The following AFF2 variants were observed in gnomAD, a reference collection of about 807,000 sequenced individuals.
AFF2 encodes AF4/FMR2 family member 2.
Under a neutral mutation model 76.9 loss-of-function variants are expected in AFF2, and 14 were observed. The ratio of observed to expected loss-of-function variants is 0.18; its 90% CI spans 0.12 to 0.28. The LOEUF is 0.28. Ranked by LOEUF, AFF2 falls within the 10% of genes least tolerant of loss-of-function variation. The pLI, the probability that AFF2 is intolerant of heterozygous loss-of-function variation, is 1.00. For missense variants in AFF2, 868 were observed against 1,001.1 expected (o/e 0.87, Z 1.79); for synonymous variants, 398 against 366.7 (o/e 1.09, Z -0.98).
rs781957766 is a variant in AFF2 at position 148,608,669 on chromosome X, G to A, written c.48-43330G>A. 4.6e-5 allele frequency among the ~76,000 whole-genome samples: 5 copies of A among 108,535 alleles called. No individual in the cohort carries two copies. The South Asian group carries it at 1.7e-3, about 36-fold the overall frequency. The allele number at this position is 108,535 out of a possible 115,157, so 94.2% of individuals were successfully genotyped here. ...CTACAGGCATGCACTACTCATGCCC[G>A]CATGCCAGCTAGTTAAAAAAAAAAA... On this transcript the variant is annotated intron_variant, in intron 1 of 20. Coordinates refer to ENST00000370460, the MANE Select transcript of AFF2 (RefSeq NM_002025.4).
chrX:148,897,283 A>C (rs782405071), intron 8 of AFF2, among the ~76,000 whole-genome samples: 2 of 60,629 alleles, frequency 3.3e-5, no homozygotes, highest in African/African-American at 6.1e-5. Flanking sequence ...GTATATGAAA[A>C]ATATATATAT....
intron 7 of AFF2, among the ~76,000 whole-genome samples, chrX:148,846,351 A>G (rs1603311651): frequency 9.0e-6 from 1 of 111,623 alleles, no homozygotes; most frequent in Non-Finnish European, 1.9e-5. Flanking sequence ...CTGACCTAGT[A>G]TCCAGAAGAT....
intron 1 of AFF2, among the ~76,000 whole-genome samples, chrX:148,599,270 G>A (rs1453900241): frequency 8.9e-6 from 1 of 112,454 alleles, no homozygotes; most frequent in Non-Finnish European, 1.9e-5. Flanking sequence ...TTTAAAGTAA[G>A]TCAGTTAACA....
chrX:148,595,992 G>C (rs1403271369), intron 1 of AFF2, among the ~76,000 whole-genome samples: 1 of 111,864 alleles, frequency 8.9e-6, no homozygotes, highest in Non-Finnish European at 1.9e-5. Context: ...GGCAGGGCTG[G>C]GAACTGCTTT....
Position 148,996,927 on chromosome X carries a change from CTA to C in AFF2, c.*5596_*5597del, listed in dbSNP as rs1557293303. The C allele has an allele frequency of 8.9e-6, 1 of 111,764 alleles. No individual in the cohort carries two copies. The highest frequency in any genetic ancestry group is 3.3e-5 in the African/African-American group (1 of 30,625). 9.2% of individuals were successfully genotyped at this position (111,764 alleles called of 1,213,427 possible). A position where few individuals can be genotyped will look rare whatever the true frequency, so the allele number is the denominator to read the frequency against. The stretch of plus-strand genomic sequence containing the variant: ...TGCTATTTGTAACTTTTACATGTAA[CTA>C]GGATAAAGTATTTACGGGAACTCTA... On this transcript the variant is annotated 3_prime_UTR_variant, in exon 21 of 21. Transcript: ENST00000370460.
intron 3 of AFF2, among the ~76,000 whole-genome samples, chrX:148,802,389 A>G (rs1557271012): frequency 8.9e-6 from 1 of 112,123 alleles, no homozygotes; most frequent in African/African-American, 3.2e-5. Flanking sequence ...ACTGGCCTTT[A>G]TTCTGAGATT....
chrX:148,953,411 G>C (rs190110167), intron 9 of AFF2, among the ~76,000 whole-genome samples, 169 bp from the exon 10 acceptor site: 1 of 111,597 alleles, frequency 9.0e-6, no homozygotes, highest in Admixed American at 9.5e-5. Flanking sequence ...CTTTCAACTT[G>C]GGCCAGTCAC....
intron 3 of AFF2, among the ~76,000 whole-genome samples, chrX:148,751,329 G>A (rs2055496745): frequency 8.9e-6 from 1 of 112,280 alleles, no homozygotes; most frequent in African/African-American, 3.2e-5. Flanking sequence ...TCTCTAGCTA[G>A]TTCATTACCT....
At chrX:148,950,762 C>T (rs781833492) in intron 9 of AFF2, among the ~76,000 whole-genome samples, 2 of 112,049 alleles carry the variant, frequency 1.8e-5, no homozygotes, top group Non-Finnish European at 3.8e-5. Context: ...ATGTTTAAAA[C>T]AGTTTTAATT....
chrX:148,738,664 G>A (rs938778566), intron 3 of AFF2, among the ~76,000 whole-genome samples: 5 of 110,545 alleles, frequency 4.5e-5, no homozygotes, highest in East Asian at 2.9e-4. Context: ...GCTGGGTTTC[G>A]GTTTGGTTTG....
chrX:148,740,524 T>C (rs994804085), intron 3 of AFF2, among the ~76,000 whole-genome samples: 1 of 112,169 alleles, frequency 8.9e-6, no homozygotes, highest in Non-Finnish European at 1.9e-5. Context: ...ATTTAAGCTA[T>C]CTATTTCCTT....
Position 148,760,185 on chromosome X carries a change from A to G in AFF2, c.1042-49691A>G, listed in dbSNP as rs782055605. Among the ~76,000 whole-genome samples the G allele has an allele frequency of 7.1e-5, 8 of 112,022 alleles. No individual in the cohort carries two copies. In the East Asian group the frequency reaches 2.2e-3, roughly 31 times the overall value. Reference sequence around the variant, plus strand: ...TTGGAATTTTCATCAGATTGGAAAAATAATTCACGCCCAAGGTAACAGTTA... The same window carrying G: ...TTGGAATTTTCATCAGATTGGAAAAGTAATTCACGCCCAAGGTAACAGTTA... On this transcript the variant is annotated intron_variant, in intron 3 of 20. Coordinates refer to ENST00000370460, the MANE Select transcript of AFF2 (RefSeq NM_002025.4).
intron 3 of AFF2, among the ~76,000 whole-genome samples, chrX:148,778,403 T>C (rs782637547): frequency 2.7e-5 from 3 of 111,422 alleles, no homozygotes. Context: ...TTTTCTGTTG[T>C]TTGGAATGAT....
intron 3 of AFF2, among the ~76,000 whole-genome samples, chrX:148,781,566 C>T (rs1219855109): frequency 8.9e-6 from 1 of 111,765 alleles, no homozygotes; most frequent in Non-Finnish European, 1.9e-5. Context: ...AATGGCATCC[C>T]AGGTCGACTT....
chrX:148,611,204 G>A (rs1220595834), intron 1 of AFF2, among the ~76,000 whole-genome samples: 2 of 111,782 alleles, frequency 1.8e-5, no homozygotes, highest in Non-Finnish European at 3.8e-5. Context: ...GCAGGTAGGG[G>A]AAGCCCTGGG....
At chrX:148,765,047 A>T (rs1427599861) in intron 3 of AFF2, among the ~76,000 whole-genome samples, 1 of 110,661 alleles carries the variant, frequency 9.0e-6, no homozygotes, top group East Asian at 2.8e-4. Context: ...TGTCATTTTT[A>T]AAAACTTTTA....
chrX:148,975,161 A>G (rs899211173), intron 16 of AFF2, among the ~76,000 whole-genome samples: 1 of 112,320 alleles, frequency 8.9e-6, no homozygotes, highest in African/African-American at 3.2e-5. Context: ...ATTGAGGGCA[A>G]TTTGGCATTG....
chrX:148,853,600 G>T (rs1210509744), intron 7 of AFF2, among the ~76,000 whole-genome samples: 1 of 111,755 alleles, frequency 8.9e-6, no homozygotes, highest in Non-Finnish European at 1.9e-5. Flanking sequence ...ACCTAAGTGA[G>T]GCGTCCCAGC....
At chrX:148,661,279 T>C (rs1311965467) in intron 2 of AFF2, among the ~76,000 whole-genome samples, 1 of 112,719 alleles carries the variant, frequency 8.9e-6, no homozygotes, top group Non-Finnish European at 1.9e-5. Flanking sequence ...AACACAGTCA[T>C]TCCAGAATAT....
Sources: allele counts gnomAD v4.1 joint callset (sites outside exome capture counted in the v4.1 genomes callset), GRCh38; gene constraint gnomAD v4.1.1; transcripts MANE v1.5; gene names NCBI Gene and HGNC (gene_info 2026-07-23, HGNC 2026-07-21).